The following PLOD1 variants were observed in gnomAD, a reference collection of about 807,000 sequenced individuals.
PLOD1 encodes the protein procollagen-lysine,2-oxoglutarate 5-dioxygenase 1, also known as lysine hydroxylase.
Under a neutral mutation model 94.7 loss-of-function variants are expected in PLOD1, and 70 were observed. The ratio of observed to expected loss-of-function variants is 0.74; its 90% confidence interval spans 0.61 to 0.90. PLOD1 has a LOEUF of 0.90. Among genes scored for constraint, PLOD1 ranks in the 40% least tolerant of loss-of-function variants. The pLI is 0.00. For missense variants in PLOD1, 905 were observed against 972.7 expected (o/e 0.93, Z 0.93); for synonymous variants, 417 against 400.2 (o/e 1.04, Z -0.50).
At position 11,966,233 on chromosome 1, in the gene PLOD1, G is replaced by A. The variant is rs781239213; in HGVS notation, c.1585-18G>A. 5 of 1,595,526 alleles carry A rather than the reference G, an allele frequency of 3.1e-6. No homozygotes were observed. Among genetic ancestry groups the A allele is most frequent in the East Asian group, 2.3e-5 (1 of 44,310 alleles). On this transcript the variant is annotated intron_variant, in intron 14 of 18. Transcript: ENST00000196061. ...GAGCCAATGGTGAGGACCCTAGCCTGCTTCCCACTTCCCACAGGACTGGAA... is the reference window on the plus strand; with the variant it reads ...GAGCCAATGGTGAGGACCCTAGCCTACTTCCCACTTCCCACAGGACTGGAA...
intron 6 of PLOD1, among the ~76,000 whole-genome samples, chr1:11,956,109 A>G (rs1645735896): frequency 6.9e-6 from 1 of 145,002 alleles, no homozygotes; most frequent in South Asian, 2.5e-4. Flanking sequence ...AAACATGGGT[A>G]TTGGGGGCCA....
rs12037764 is a variant in PLOD1 at position 11,939,854 on chromosome 1, C to T, written c.76+4999C>T. Among the ~76,000 whole-genome samples the T allele has an allele frequency of 2.6e-5, 4 of 152,280 alleles. No homozygotes were observed. In the East Asian group the frequency reaches 7.7e-4, roughly 29 times the overall value. On this transcript the variant is annotated intron_variant, in intron 1 of 18. Transcript: ENST00000196061. ...AGCTCCTGACCTCATGTGATCCACC[C>T]GCCTTGGCCTCCCAAAGTGCTAGGA...
chr1:11,953,027 C>A (rs1313931335), intron 5 of PLOD1, among the ~76,000 whole-genome samples: 1 of 152,100 alleles, frequency 6.6e-6, no homozygotes, highest in African/African-American at 2.4e-5. Flanking sequence ...GTAGGGAGCT[C>A]ACTGGGGCCT....
chr1:11,973,552 G>A (rs938602381), intron 18 of PLOD1, among the ~76,000 whole-genome samples: 1 of 151,942 alleles, frequency 6.6e-6, no homozygotes, highest in African/African-American at 2.4e-5. Flanking sequence ...GGGTGCTGTG[G>A]AGAACACTCA....
chr1:11,934,733 C>T lies in PLOD1; in HGVS notation c.-47C>T, dbSNP rs1467155164. On this transcript the variant is annotated 5_prime_UTR_variant, in exon 1 of 19. Transcript: ENST00000196061. ...TGCGGCCCCGTCGCGAAGTTTCCAG[C>T]CCTGCGAGCGCCGCCGGGTCGGCCG... is the stretch of plus-strand genomic sequence containing the variant. The T allele has an allele frequency of 2.6e-6, 4 of 1,517,562 alleles. No homozygotes were observed. The highest frequency in any genetic ancestry group is 4.0e-5 in the Admixed American group (2 of 49,482). 94.0% of individuals were successfully genotyped at this position (1,517,562 alleles called of 1,614,324 possible). A position where few individuals can be genotyped will look rare whatever the true frequency, so the allele number is the denominator to read the frequency against.
chr1:11,944,591 T>A, intron 1 of PLOD1: 1 of 1,363,016 alleles, frequency 7.3e-7, no homozygotes, highest in Non-Finnish European at 9.8e-7. Context: ...GACTTCACCG[T>A]CCTGGCAGGA....
intron 5 of PLOD1, 90 bp downstream of exon 5, chr1:11,952,825 G>C: frequency 1.1e-6 from 1 of 923,506 alleles, no homozygotes; most frequent in Non-Finnish European, 1.8e-6. Context: ...CTGAACCCCT[G>C]GGTTGGTGTC....
At chr1:11,954,555 A>G (rs1293693836) in intron 5 of PLOD1, 1 of 708,954 alleles carries the variant, frequency 1.4e-6, no homozygotes, top group East Asian at 2.9e-5. Context: ...GTTACTCTTA[A>G]CGGCCGTCAT....
At chr1:11,954,190 C>CGTAT in intron 5 of PLOD1, 1 of 139,324 alleles carries the variant, frequency 7.2e-6, no homozygotes, top group Non-Finnish European at 1.6e-5. Flanking sequence ...GGAGTAGCGG[C>CGTAT]CAGGTGCGGT....
chr1:11,937,814 G>A (rs1049229702), intron 1 of PLOD1, among the ~76,000 whole-genome samples: 9 of 152,068 alleles, frequency 5.9e-5, no homozygotes. Flanking sequence ...GCACATCTGT[G>A]CTCACTGATG....
chr1:11,957,786 G>A lies in PLOD1; in HGVS notation c.742-56G>A. The A allele has an allele frequency of 8.3e-7, 1 of 1,198,180 alleles. No homozygotes were observed. Among genetic ancestry groups the A allele is most frequent in the East Asian group, 2.3e-5 (1 of 42,932 alleles). The allele number at this position is 1,198,180 out of a possible 1,614,324, so 74.2% of individuals were successfully genotyped here. A position where few individuals can be genotyped will look rare whatever the true frequency, so the allele number is the denominator to read the frequency against. ...TGGGGGCCCAGGGAGATGTGAGTCAGGGCTATGGCAGGTGGGGCTGGCTGG... is the reference window on the plus strand; with the variant it reads ...TGGGGGCCCAGGGAGATGTGAGTCAAGGCTATGGCAGGTGGGGCTGGCTGG... On this transcript the variant is annotated intron_variant, in intron 7 of 18. Coordinates refer to ENST00000196061, the MANE Select transcript of PLOD1 (RefSeq NM_000302.4). The surrounding 1 kb of genome is among the most constrained non-coding windows in gnomAD (Gnocchi z 4.1).
In PLOD1 at chr1:11,958,609, T is replaced by A. The variant is rs1419677914; in HGVS notation, c.937T>A (p.Tyr313Asn). 1 of 1,614,006 alleles carries A rather than the reference T, an allele frequency of 6.2e-7. No individual in the cohort carries two copies. The highest frequency in any genetic ancestry group is 8.5e-7 in the Non-Finnish European group (1 of 1,180,020). ...LFFQRLLRLH[Y>N]PQKHMRLFIH... ...CTTCCAGCGGCTCCTGCGGCTCCACTACCCCCAGAAACACATGCGACTTTT... is the reference window on the plus strand; with the variant it reads ...CTTCCAGCGGCTCCTGCGGCTCCACAACCCCCAGAAACACATGCGACTTTT... Residue 313 changes from tyrosine (Y) to asparagine (N), a missense_variant, in exon 9 of 19, where the codon TAC becomes AAC. Tyr to Asn is a moderately radical substitution (Grantham distance 143). Transcript: ENST00000196061. This position sits in a 1 kb window ranked among gnomAD's most constrained non-coding sequence, Gnocchi z 4.3.
At position 11,958,451 on chromosome 1, in the gene PLOD1, TG is replaced by T. The variant is rs1167707951; in HGVS notation, c.844-61del. ...TGGCTCTGACTCCCTTGGGCCACCC[TG>T]GGGTGGAGTGGCAGTGCTGTGACTG... is the stretch of plus-strand genomic sequence containing the variant. On this transcript the variant is annotated intron_variant, in intron 8 of 18. Transcript: ENST00000196061. This position sits in a 1 kb window ranked among gnomAD's most constrained non-coding sequence, Gnocchi z 4.3. The T allele has an allele frequency of 5.1e-6, 8 of 1,577,034 alleles. No homozygotes were observed. The highest frequency in any genetic ancestry group is 6.1e-6 in the Non-Finnish European group (7 of 1,153,346).
At chr1:11,950,304 T>G in intron 3 of PLOD1, 53 bp from the exon 4 acceptor site, 9 of 1,580,504 alleles carry the variant, frequency 5.7e-6, no homozygotes, top group Non-Finnish European at 7.8e-6. Flanking sequence ...GTGCCCTCAC[T>G]GGGCCCCTGC....
intron 14 of PLOD1, among the ~76,000 whole-genome samples, chr1:11,965,928 C>T (rs1200530265): frequency 6.6e-6 from 1 of 152,198 alleles, no homozygotes; most frequent in Admixed American, 6.5e-5. Flanking sequence ...GCCTGTCTTA[C>T]CCATGAGGGT....
intron 9 of PLOD1, 26 bp from the exon 10 acceptor site, chr1:11,960,620 A>C (rs1557493598): frequency 3.0e-6 from 4 of 1,329,454 alleles, no homozygotes; most frequent in African/African-American, 1.4e-5. Flanking sequence ...TCACCCCCGC[A>C]TCCCCTTCCC....
intron 1 of PLOD1, among the ~76,000 whole-genome samples, chr1:11,947,765 A>G (rs1413773244): frequency 6.6e-6 from 1 of 152,202 alleles, no homozygotes; most frequent in Non-Finnish European, 1.5e-5. Flanking sequence ...TATATCGGTC[A>G]GTTACTGGGT....
Position 11,934,776 on chromosome 1 carries a change from G to A in PLOD1, c.-4G>A. The A allele has an allele frequency of 1.3e-6, 2 of 1,535,840 alleles. No homozygotes were observed. Among genetic ancestry groups the A allele is most frequent in the South Asian group, 1.2e-5 (1 of 83,338 alleles). Reference sequence around the variant, plus strand: ...GTCGGCCGATCGTCCCCCATACCTCGGCCATGCGGCCCCTGCTGCTACTGG... The same window carrying A: ...GTCGGCCGATCGTCCCCCATACCTCAGCCATGCGGCCCCTGCTGCTACTGG... On this transcript the variant is annotated 5_prime_UTR_variant, in exon 1 of 19. Transcript: ENST00000196061.
rs747209300 is a variant in PLOD1, at chr1:11,960,795, C to T, written c.1097+28C>T. On this transcript the variant is annotated intron_variant, in intron 10 of 18. Transcript: ENST00000196061. The stretch of plus-strand genomic sequence containing the variant: ...GAGTTGTGGGCCACAGTACTCTCCA[C>T]TGACAGTGGGGGCAGGGGAGCTGTG... 2.5e-6 allele frequency: 4 copies of T among 1,611,646 alleles called. No homozygotes were observed. In the East Asian group the frequency reaches 6.7e-5, roughly 27 times the overall value.
Sources: allele counts gnomAD v4.1 joint callset (sites outside exome capture counted in the v4.1 genomes callset), GRCh38; gene constraint gnomAD v4.1.1; non-coding constraint Gnocchi (gnomAD v3.1); transcripts MANE v1.5; gene names NCBI Gene and HGNC (gene_info 2026-07-23, HGNC 2026-07-21).